The following MACROD2 variants were observed in gnomAD, a reference collection of about 807,000 sequenced individuals.
MACROD2 encodes mono-ADP ribosylhydrolase 2.
A neutral mutation model predicts 70.4 loss-of-function variants in MACROD2; 36 were observed. That is an observed-to-expected ratio of 0.51 (90% confidence interval 0.39 to 0.68). The LOEUF (loss-of-function observed/expected upper bound fraction) is 0.68. Among genes scored for constraint, MACROD2 ranks in the 30% least tolerant of loss-of-function variants. The probability of loss-of-function intolerance (pLI) is 0.00; values close to 1 mark genes in which losing one functional copy is unlikely to be tolerated. For synonymous variants in MACROD2, 172 were observed against 178.8 expected, an observed-to-expected ratio of 0.96 and a Z score of 0.30; for missense variants, 496 against 538.4, an observed-to-expected ratio of 0.92 and a Z score of 0.78.
intron 5 of MACROD2, among the ~76,000 whole-genome samples, chr20:15,010,398 G>A (rs1224485997): frequency 1.3e-4 from 20 of 152,198 alleles, no homozygotes; most frequent in Admixed American, 1.2e-3. Flanking sequence ...ATAGCTTCAT[G>A]TTATTCTTTA....
At chr20:14,578,139 T>C (rs749799800) in intron 4 of MACROD2, among the ~76,000 whole-genome samples, 1 of 151,104 alleles carries the variant, frequency 6.6e-6, no homozygotes, top group African/African-American at 2.4e-5. Flanking sequence ...ATTGTTTGTA[T>C]TTAAAAATAT....
chr20:15,339,401 A>G (rs572001450), intron 6 of MACROD2, among the ~76,000 whole-genome samples: 13 of 151,944 alleles, frequency 8.6e-5, no homozygotes, highest in African/African-American at 3.2e-4. Flanking sequence ...AGCAAAACAT[A>G]TTACTCATTG....
chr20:15,485,639 CA>C (rs1373259079), intron 7 of MACROD2, among the ~76,000 whole-genome samples: 3 of 152,124 alleles, frequency 2.0e-5, no homozygotes, highest in Non-Finnish European at 4.4e-5. Context: ...TTTTAAAATG[CA>C]GTTTTCCTCC....
chr20:15,080,592 CT>C (rs2075695887), intron 5 of MACROD2, among the ~76,000 whole-genome samples: 1 of 152,044 alleles, frequency 6.6e-6, no homozygotes, highest in African/African-American at 2.4e-5. Flanking sequence ...CGCTTAATGT[CT>C]TTAAGTGACA....
intron 3 of MACROD2, among the ~76,000 whole-genome samples, chr20:14,402,225 T>C (rs920731149): frequency 1.3e-5 from 2 of 152,194 alleles, no homozygotes; most frequent in African/African-American, 4.8e-5. Flanking sequence ...GGCTTTTTTG[T>C]GTTAGTGTTG....
At chr20:14,501,138 T>C (rs1407276112) in intron 4 of MACROD2, among the ~76,000 whole-genome samples, 2 of 152,068 alleles carry the variant, frequency 1.3e-5, no homozygotes, top group African/African-American at 4.8e-5. Flanking sequence ...TAGTATTATC[T>C]TTTATTTTTA....
chr20:14,960,441 C>T (rs2122765130), intron 5 of MACROD2, among the ~76,000 whole-genome samples: 1 of 152,254 alleles, frequency 6.6e-6, no homozygotes, highest in South Asian at 2.1e-4. Context: ...TAGTATTTTC[C>T]ACTGAATTCC....
chr20:15,692,658 G>C (rs1367791481), intron 8 of MACROD2, among the ~76,000 whole-genome samples: 1 of 152,140 alleles, frequency 6.6e-6, no homozygotes, highest in East Asian at 1.9e-4. Flanking sequence ...GGCTCCTGTT[G>C]ATGGTAAAGA....
At chr20:15,647,544 T>C (rs964675386) in intron 8 of MACROD2, among the ~76,000 whole-genome samples, 4 of 152,210 alleles carry the variant, frequency 2.6e-5, no homozygotes, top group Non-Finnish European at 4.4e-5. Context: ...TTCTCTTTGA[T>C]ACTGTTTTTT....
At chr20:14,687,523 T>C (rs767163133) in intron 5 of MACROD2, among the ~76,000 whole-genome samples, 7 of 152,188 alleles carry the variant, frequency 4.6e-5, no homozygotes, top group East Asian at 1.9e-4. Flanking sequence ...ATTCCAATGC[T>C]TGAGTCATAA....
intron 5 of MACROD2, among the ~76,000 whole-genome samples, chr20:14,828,862 C>T (rs546369947): frequency 3.6e-4 from 54 of 151,640 alleles, no homozygotes; most frequent in African/African-American, 1.3e-3. Context: ...TATTGTTGGA[C>T]CAAAAAAATG....
chr20:16,015,559 A>G (rs183136799), intron 15 of MACROD2, among the ~76,000 whole-genome samples: 1 of 152,334 alleles, frequency 6.6e-6, no homozygotes, highest in Non-Finnish European at 1.5e-5. Context: ...TGTTCTACCA[A>G]AAAAAGAAAT....
chr20:15,230,201 A>T, intron 6 of MACROD2, 140 bp downstream of exon 6: 1 of 691,470 alleles, frequency 1.4e-6, no homozygotes, highest in Non-Finnish European at 2.2e-6. Flanking sequence ...CGATTTGGTT[A>T]TCATGACTCT....
intron 8 of MACROD2, among the ~76,000 whole-genome samples, chr20:15,537,122 G>A (rs1200283368): frequency 6.6e-6 from 1 of 152,070 alleles, no homozygotes; most frequent in Non-Finnish European, 1.5e-5. Flanking sequence ...GAATCCTGGG[G>A]GTGGTTTCCA....
At chr20:14,544,862 G>A (rs947841231) in intron 4 of MACROD2, among the ~76,000 whole-genome samples, 2 of 152,166 alleles carry the variant, frequency 1.3e-5, no homozygotes, top group Middle Eastern at 3.2e-3. Flanking sequence ...CTCTGTGGGG[G>A]TATTAATTCC....
At chr20:14,531,947 C>G (rs574492557) in intron 4 of MACROD2, among the ~76,000 whole-genome samples, 2 of 152,302 alleles carry the variant, frequency 1.3e-5, no homozygotes, top group Admixed American at 6.5e-5. Context: ...TCCATTTTCT[C>G]ATTAAACGTT....
chr20:14,141,183 T>C (rs2054868474), intron 3 of MACROD2, among the ~76,000 whole-genome samples: 1 of 152,318 alleles, frequency 6.6e-6, no homozygotes, highest in East Asian at 1.9e-4. Flanking sequence ...CTGCTTGTAA[T>C]AGGCCAAGAC....
intron 9 of MACROD2, among the ~76,000 whole-genome samples, chr20:15,880,340 T>C (rs1296421794): frequency 6.6e-6 from 1 of 152,008 alleles, no homozygotes; most frequent in African/African-American, 2.4e-5. Context: ...CACATGTTTT[T>C]ACAGATGTTT....
intron 8 of MACROD2, among the ~76,000 whole-genome samples, chr20:15,766,277 A>G (rs1057180186): frequency 1.3e-5 from 2 of 152,164 alleles, no homozygotes; most frequent in East Asian, 3.8e-4. Flanking sequence ...TTCACAATAG[A>G]AGCAAGCTGC....
Sources: allele counts gnomAD v4.1 joint callset (sites outside exome capture counted in the v4.1 genomes callset), GRCh38; gene constraint gnomAD v4.1.1; transcripts MANE v1.5; gene names NCBI Gene and HGNC (gene_info 2026-07-23, HGNC 2026-07-21).